Variants in MCHR2 observed in about 807,000 individuals in gnomAD.
MCHR2 encodes the protein melanin-concentrating hormone receptor 2.
A neutral mutation model predicts 24.8 loss-of-function variants in MCHR2; 15 were observed. The observed-to-expected ratio is 0.60, with a 90% CI of 0.40 to 0.93. The LOEUF is 0.93. Ranked by LOEUF, MCHR2 falls within the 40% of genes least tolerant of loss-of-function variation. The pLI is 0.00. For synonymous variants in MCHR2, 151 were observed against 147.6 expected (o/e 1.02, Z -0.17); for missense variants, 386 against 408.7 (o/e 0.94, Z 0.48).
intron 1 of MCHR2, among the ~76,000 whole-genome samples, chr6:99,990,907 C>T (rs1018476087): frequency 2.0e-5 from 3 of 148,430 alleles, no homozygotes; most frequent in Non-Finnish European, 3.0e-5. Flanking sequence ...TCCAGGCCCT[C>T]GGTTCTTCAG....
At chr6:99,942,296 C>G (rs1278897320) in intron 4 of MCHR2, among the ~76,000 whole-genome samples, 1 of 152,130 alleles carries the variant, frequency 6.6e-6, no homozygotes, top group African/African-American at 2.4e-5. Context: ...GCTCTATGCC[C>G]CCTCCTACCC....
chr6:99,922,885 G>T (rs1774267981), intron 5 of MCHR2, among the ~76,000 whole-genome samples: 1 of 145,120 alleles, frequency 6.9e-6, no homozygotes, highest in Non-Finnish European at 1.5e-5. Context: ...GTCTGTTGTG[G>T]TTCCATATAA....
Position 99,963,134 on chromosome 6 carries a change from C to A in MCHR2, c.-27-6960G>T, listed in dbSNP as rs115650858. ...TAAAAAAAAGTGGCAAAACAAAAAA[C>A]CCAGAAAACAAGTATTGAGGATGTG... On this transcript the variant is annotated intron_variant, in intron 1 of 5. Coordinates refer to ENST00000281806, the MANE Select transcript of MCHR2 (RefSeq NM_001040179.2). Among the ~76,000 whole-genome samples the A allele has an allele frequency of 8.2e-3, 1,239 of 151,588 alleles. 16 individuals are homozygous for A. Among genetic ancestry groups the A allele is most frequent in the African/African-American group, 0.029 (1,188 of 41,356 alleles).
rs1337687538 is a variant in MCHR2 at position 99,939,404 on chromosome 6, T to C, written c.587+3545A>G. Among the ~76,000 whole-genome samples the C allele has an allele frequency of 2.6e-5, 4 of 152,090 alleles. No individual in the cohort carries two copies. The East Asian group carries it at 7.7e-4, about 29-fold the overall frequency. On this transcript the variant is annotated intron_variant, in intron 4 of 5. Coordinates refer to ENST00000281806, the MANE Select transcript of MCHR2 (RefSeq NM_001040179.2). ...GACAAAAAATATATATAACAAGTTA[T>C]TCTAAAGAGATGATAATTTATCTTA...
At chr6:99,984,741 A>G (rs1775740111) in intron 1 of MCHR2, among the ~76,000 whole-genome samples, 1 of 152,132 alleles carries the variant, frequency 6.6e-6, no homozygotes. Context: ...TGGAAAAGTT[A>G]AAAGCATTAC....
intron 1 of MCHR2, among the ~76,000 whole-genome samples, chr6:99,971,493 A>G (rs1178400999): frequency 6.6e-6 from 1 of 152,214 alleles, no homozygotes; most frequent in Non-Finnish European, 1.5e-5. Context: ...ATAGACAATC[A>G]CGACATCTGC....
chr6:99,987,898 G>A (rs1775799110), intron 1 of MCHR2, among the ~76,000 whole-genome samples: 1 of 152,086 alleles, frequency 6.6e-6, no homozygotes, highest in Non-Finnish European at 1.5e-5. Flanking sequence ...AAAAGAAAAG[G>A]AAACAAGAGA....
Position 99,973,020 on chromosome 6 carries a change from G to GA in MCHR2, c.-27-16847dup, listed in dbSNP as rs563479634. Among the ~76,000 whole-genome samples the GA allele has an allele frequency of 2.2e-4, 34 of 152,034 alleles. No individual in the cohort carries two copies. The East Asian group carries it at 3.7e-3, about 16-fold the overall frequency. Reference sequence around the variant, plus strand: ...TTTGGAATAGGTGTTGTGTGGTGCTGAAAAAAAATGTATATTCTATTGATT... The same window carrying GA: ...TTTGGAATAGGTGTTGTGTGGTGCTGAAAAAAAAATGTATATTCTATTGATT... On this transcript the variant is annotated intron_variant, in intron 1 of 5. Transcript: ENST00000281806.
chr6:99,921,346 TG>T, intron 5 of MCHR2, 91 bp from the exon 6 acceptor site: 2 of 1,143,416 alleles, frequency 1.7e-6, no homozygotes, highest in South Asian at 3.0e-5. Context: ...CAGTTCATAA[TG>T]GCTTTGTAGT....
At chr6:99,974,247 C>T (rs1562132777) in intron 1 of MCHR2, among the ~76,000 whole-genome samples, 2 of 148,676 alleles carry the variant, frequency 1.3e-5, no homozygotes, top group African/African-American at 4.9e-5. Context: ...TTCTTGGAAG[C>T]TTTGTTTGTT....
chr6:99,934,643 C>A, intron 4 of MCHR2, 126 bp from the exon 5 acceptor site: 1 of 848,014 alleles, frequency 1.2e-6, no homozygotes, highest in Non-Finnish European at 1.7e-6. Context: ...GGATGAAAGT[C>A]CTTGTGGAAA....
At chr6:99,990,568 C>A (rs780028431) in intron 1 of MCHR2, among the ~76,000 whole-genome samples, 2 of 152,140 alleles carry the variant, frequency 1.3e-5, no homozygotes, top group African/African-American at 2.4e-5. Flanking sequence ...TTATTTGGAA[C>A]TGTATTTAAT....
chr6:99,964,139 G>C (rs1423505190), intron 1 of MCHR2, among the ~76,000 whole-genome samples: 2 of 152,028 alleles, frequency 1.3e-5, no homozygotes, highest in East Asian at 1.9e-4. Flanking sequence ...CTAAGTGTTG[G>C]AGCCACAGAA....
intron 5 of MCHR2, among the ~76,000 whole-genome samples, chr6:99,930,150 A>T (rs1461672851): frequency 6.6e-6 from 1 of 152,078 alleles, no homozygotes; most frequent in Non-Finnish European, 1.5e-5. Context: ...TTTCTTTAAG[A>T]ATGTTGAATA....
intron 1 of MCHR2, among the ~76,000 whole-genome samples, chr6:99,958,082 G>C (rs959788256): frequency 6.6e-6 from 1 of 151,558 alleles, no homozygotes; most frequent in African/African-American, 2.4e-5. Context: ...TTGATACTAA[G>C]ACAAATTATA....
chr6:99,935,139 A>G (rs1774630597), intron 4 of MCHR2, among the ~76,000 whole-genome samples: 1 of 152,100 alleles, frequency 6.6e-6, no homozygotes, highest in Admixed American at 6.6e-5. Flanking sequence ...ATACATTCAT[A>G]TAATTTGTAA....
At chr6:99,955,289 C>G (rs1775037318) in intron 2 of MCHR2, among the ~76,000 whole-genome samples, 1 of 152,076 alleles carries the variant, frequency 6.6e-6, no homozygotes, top group South Asian at 2.1e-4. Flanking sequence ...TTCTTATTCT[C>G]CAAGTAAAGT....
At chr6:99,984,993 A>C (rs1459669963) in intron 1 of MCHR2, among the ~76,000 whole-genome samples, 1 of 152,166 alleles carries the variant, frequency 6.6e-6, no homozygotes, top group Non-Finnish European at 1.5e-5. Context: ...AGAATACATA[A>C]TCAATGTACA....
intron 4 of MCHR2, among the ~76,000 whole-genome samples, chr6:99,939,318 T>C (rs1774727506): frequency 6.6e-6 from 1 of 152,172 alleles, no homozygotes; most frequent in Admixed American, 6.5e-5. Flanking sequence ...AATGTCTTAG[T>C]TCATTCCTTT....
Sources: gnomAD v4.1 joint callset for allele counts (sites outside exome capture counted in the v4.1 genomes callset) on GRCh38, gnomAD v4.1.1 for gene constraint, MANE v1.5 for transcripts, NCBI Gene and HGNC (gene_info 2026-07-23, HGNC 2026-07-21) for gene names.